The following MIDEAS variants were observed in gnomAD, a reference collection of about 807,000 sequenced individuals.
The protein encoded by MIDEAS is mitotic deacetylase associated SANT domain protein, also known as mitotic deacetylase-associated SANT domain protein.
Under a neutral mutation model 102.7 loss-of-function variants are expected in MIDEAS, and 26 were observed. The observed-to-expected ratio is 0.25, with a 90% CI of 0.19 to 0.35. The LOEUF is 0.35. Ranked by LOEUF, MIDEAS falls within the 10% of genes least tolerant of loss-of-function variation. The pLI, the probability that MIDEAS is intolerant of heterozygous loss-of-function variation, is 1.00. For missense variants in MIDEAS, 1,231 were observed against 1,435.6 expected (o/e 0.86, Z 2.30); for synonymous variants, 585 against 591.0 (o/e 0.99, Z 0.15).
At chr14:73,776,238 C>T (rs2053687285) in intron 1 of MIDEAS, among the ~76,000 whole-genome samples, 1 of 151,938 alleles carries the variant, frequency 6.6e-6, no homozygotes, top group South Asian at 2.1e-4. Context: ...ATCCAGATGC[C>T]GGGATGATCT....
Position 73,739,487 on chromosome 14 carries a change from C to T in MIDEAS, c.522G>A (p.Gln174=), listed in dbSNP as rs146384609. 6.2e-7 allele frequency: 1 copy of T among 1,611,620 alleles called. No homozygotes were observed. The highest frequency in any genetic ancestry group is 8.5e-7 in the Non-Finnish European group (1 of 1,178,588). ...ALKREKAGGP[Q]LDRYVRPMMP... Reference sequence around the variant, plus strand: ...TCATTGGTCGCACATAGCGGTCCAGCTGTGGGCCCCCCGCTTTCTCCCGCT... The same window carrying T: ...TCATTGGTCGCACATAGCGGTCCAGTTGTGGGCCCCCCGCTTTCTCCCGCT... The change falls in exon 2 of 13, where the codon CAG becomes CAA. Residue 174 remains glutamine, a synonymous_variant. Transcript: ENST00000423556.
Position 73,726,594 on chromosome 14 carries a change from G to T in MIDEAS, c.2409+10C>A. The T allele has an allele frequency of 6.2e-7, 1 of 1,613,244 alleles. No individual in the cohort carries two copies. Among genetic ancestry groups the T allele is most frequent in the Non-Finnish European group, 8.5e-7 (1 of 1,179,412 alleles). Reference sequence around the variant, plus strand: ...GAGGGGCCCTCCCTCTGCTGGGGTTGCCTTCTCACCAGGATGTCTCCTCTG... The same window carrying T: ...GAGGGGCCCTCCCTCTGCTGGGGTTTCCTTCTCACCAGGATGTCTCCTCTG... On this transcript the variant is annotated intron_variant, in intron 7 of 12. Coordinates refer to ENST00000423556, the MANE Select transcript of MIDEAS (RefSeq NM_001367710.1).
Position 73,717,986 on chromosome 14 carries a change from C to G in MIDEAS, c.*857G>C, listed in dbSNP as rs1344078699. 6.6e-6 allele frequency: 1 copy of G among 152,254 alleles called. No homozygotes were observed. Among genetic ancestry groups the G allele is most frequent in the Non-Finnish European group, 1.5e-5 (1 of 68,090 alleles). The allele number at this position is 152,254 out of a possible 1,614,324, so 9.4% of individuals were successfully genotyped here. The stretch of plus-strand genomic sequence containing the variant: ...CCGGGACCTGCTCAAGGCGAAGCGC[C>G]CTTGGCAGCCTCCAGGACCCAAAGG... On this transcript the variant is annotated 3_prime_UTR_variant, in exon 13 of 13. Transcript: ENST00000423556.
intron 1 of MIDEAS, among the ~76,000 whole-genome samples, chr14:73,757,833 C>A (rs1434825530): frequency 6.6e-6 from 1 of 152,234 alleles, no homozygotes; most frequent in Non-Finnish European, 1.5e-5. Context: ...AGCAGCAGCA[C>A]ACAGGGTCAA....
intron 11 of MIDEAS, 80 bp from the exon 12 acceptor site, chr14:73,719,581 G>A (rs575222178): frequency 8.4e-6 from 12 of 1,428,052 alleles, no homozygotes; most frequent in East Asian, 4.9e-5. Context: ...GGAACCGGGG[G>A]CCTGAAAAGT....
chr14:73,780,967 T>A (rs900713852), intron 1 of MIDEAS, among the ~76,000 whole-genome samples: 2 of 152,200 alleles, frequency 1.3e-5, no homozygotes, highest in African/African-American at 4.8e-5. Context: ...TTGTTAAGTT[T>A]CACCTTTTTA....
chr14:73,771,448 T>C (rs1220281417), intron 1 of MIDEAS, among the ~76,000 whole-genome samples: 1 of 152,086 alleles, frequency 6.6e-6, no homozygotes, highest in Non-Finnish European at 1.5e-5. Context: ...CTGGTCACAT[T>C]CCTGGGCTGG....
rs1489337899 is a variant in MIDEAS at position 73,721,479 on chromosome 14, G to A, written c.2755C>T (p.Pro919Ser). 1 of 1,614,102 alleles carries A rather than the reference G, an allele frequency of 6.2e-7. No homozygotes were observed. Among genetic ancestry groups the A allele is most frequent in the Admixed American group, 1.7e-5 (1 of 60,008 alleles). The change falls in exon 11 of 13, where the codon CCC (proline) becomes TCC (serine). Residue 919 changes from proline (P) to serine (S), a missense_variant. Transcript: ENST00000423556. ...TCTTCACTTGGGGACTCTCTTCTGG[G>A]AAGAGGCACCCTTGGGAACTTTTGG... ...TSQKFPRVPL[P>S]RRESPSEERL...
intron 1 of MIDEAS, among the ~76,000 whole-genome samples, chr14:73,781,782 G>A (rs992895691): frequency 6.0e-5 from 9 of 150,034 alleles, no homozygotes; most frequent in Non-Finnish European, 3.0e-5. Context: ...ACACGGTGGC[G>A]CACGCCTGTA....
chr14:73,745,291 T>C (rs1044721579), intron 1 of MIDEAS, among the ~76,000 whole-genome samples: 2 of 152,150 alleles, frequency 1.3e-5, no homozygotes, highest in African/African-American at 2.4e-5. Context: ...CCCTTGACTG[T>C]CACCTGCTGC....
At chr14:73,777,079 A>G (rs1301468202) in intron 1 of MIDEAS, among the ~76,000 whole-genome samples, 5 of 151,926 alleles carry the variant, frequency 3.3e-5, no homozygotes, top group Non-Finnish European at 7.4e-5. Context: ...AAAAAAATAA[A>G]TAAATAAATA....
At chr14:73,786,407 G>GA in intron 1 of MIDEAS, among the ~76,000 whole-genome samples, 1 of 152,178 alleles carries the variant, frequency 6.6e-6, no homozygotes, top group Non-Finnish European at 1.5e-5. Context: ...GTTTTATATA[G>GA]AAAACACTCA....
intron 10 of MIDEAS, among the ~76,000 whole-genome samples, chr14:73,721,958 A>G (rs1397053565): frequency 6.6e-6 from 1 of 152,232 alleles, no homozygotes; most frequent in East Asian, 1.9e-4. Context: ...TGGATTTGCA[A>G]TCCCAAAAAT....
intron 3 of MIDEAS, among the ~76,000 whole-genome samples, chr14:73,732,784 T>C (rs1595261886): frequency 7.3e-5 from 3 of 41,000 alleles, no homozygotes; most frequent in Non-Finnish European, 8.1e-5. Flanking sequence ...AGACTCCCTC[T>C]CAAAAAAAAA....
chr14:73,718,127 CT>C lies in MIDEAS; in HGVS notation c.*715del, dbSNP rs1481380890. On this transcript the variant is annotated 3_prime_UTR_variant, in exon 13 of 13. Transcript: ENST00000423556. ...TCCCTTCCCTGCAGCAGGATGAGTG[CT>C]TTGGACAAGAACGCTAGCCCCTCCC... 1.3e-5 allele frequency: 2 copies of C among 152,588 alleles called. No homozygotes were observed. The allele number at this position is 152,588 out of a possible 1,614,324, so 9.5% of individuals were successfully genotyped here.
intron 11 of MIDEAS, 76 bp from the exon 12 acceptor site, chr14:73,719,577 G>A (rs2052955292): frequency 2.3e-5 from 34 of 1,459,978 alleles, no homozygotes; most frequent in South Asian, 2.3e-4. Context: ...GCAGGGAACC[G>A]GGGGCCTGAA....
chr14:73,763,295 G>A (rs542147982), upstream of MIDEAS, among the ~76,000 whole-genome samples: 6 of 152,284 alleles, frequency 3.9e-5, no homozygotes, highest in Admixed American at 3.3e-4. Flanking sequence ...TTGTGTTCAC[G>A]CCACTGCACT....
chr14:73,733,322 T>C (rs1240169776), intron 3 of MIDEAS, among the ~76,000 whole-genome samples: 1 of 151,918 alleles, frequency 6.6e-6, no homozygotes, highest in Non-Finnish European at 1.5e-5. Flanking sequence ...GTGAGGTGGC[T>C]TACACCTGTA....
chr14:73,745,834 A>G (rs2053344518), intron 1 of MIDEAS, among the ~76,000 whole-genome samples: 2 of 152,358 alleles, frequency 1.3e-5, no homozygotes, highest in Admixed American at 1.3e-4. Flanking sequence ...TCTGACTCCC[A>G]CAAGTGTCAT....
Sources: gnomAD v4.1 joint callset for allele counts (sites outside exome capture counted in the v4.1 genomes callset) on GRCh38, gnomAD v4.1.1 for gene constraint, MANE v1.5 for transcripts, NCBI Gene and HGNC (gene_info 2026-07-23, HGNC 2026-07-21) for gene names.